EHBP1: variants seen among roughly 807,000 people sequenced by gnomAD.
The protein encoded by EHBP1 is EH domain-binding protein 1.
Under a neutral mutation model 144.0 loss-of-function variants are expected in EHBP1, and 55 were observed. That is an observed-to-expected ratio of 0.38 (90% CI 0.31 to 0.48). The LOEUF is 0.48. Among genes scored for constraint, EHBP1 ranks in the 20% least tolerant of loss-of-function variants. The probability of loss-of-function intolerance (pLI) is 0.98; values close to 1 mark genes in which losing one functional copy is unlikely to be tolerated. For synonymous variants in EHBP1, 469 were observed against 472.7 expected, an observed-to-expected ratio of 0.99 and a Z score of 0.10; for missense variants, 1,200 against 1,364.2, an observed-to-expected ratio of 0.88 and a Z score of 1.90.
At chr2:62,834,614 A>T (rs2047071898) in intron 7 of EHBP1, among the ~76,000 whole-genome samples, 1 of 152,264 alleles carries the variant, frequency 6.6e-6, no homozygotes, top group African/African-American at 2.4e-5. Context: ...TGGGAAGCCA[A>T]AAAGTTTTTG....
At chr2:62,768,445 A>G (rs2041370303) in intron 4 of EHBP1, among the ~76,000 whole-genome samples, 1 of 152,204 alleles carries the variant, frequency 6.6e-6, no homozygotes, top group Admixed American at 6.5e-5. Context: ...GGACACATGT[A>G]CCCTCCCAAG....
At chr2:62,860,446 C>T (rs528325604) in intron 8 of EHBP1, among the ~76,000 whole-genome samples, 7 of 151,972 alleles carry the variant, frequency 4.6e-5, no homozygotes, top group Admixed American at 2.6e-4. Context: ...ACCAAGATCG[C>T]GCCATTGCAC....
chr2:62,705,209 T>G (rs1053653265), upstream of EHBP1, among the ~76,000 whole-genome samples: 1 of 151,982 alleles, frequency 6.6e-6, no homozygotes, highest in Non-Finnish European at 1.5e-5. Flanking sequence ...TAGTTGCCAG[T>G]GGCGGAGGAG....
chr2:62,852,138 T>A (rs905500456), intron 7 of EHBP1, among the ~76,000 whole-genome samples: 1 of 152,140 alleles, frequency 6.6e-6, no homozygotes, highest in African/African-American at 2.4e-5. Context: ...ATATAACATG[T>A]TTAATAAATG....
intron 10 of EHBP1, among the ~76,000 whole-genome samples, chr2:62,896,693 A>G (rs1392645287): frequency 6.6e-6 from 1 of 151,608 alleles, no homozygotes; most frequent in Non-Finnish European, 1.5e-5. Context: ...AAAAAAAAAA[A>G]AACAAAAAAC....
intron 10 of EHBP1, among the ~76,000 whole-genome samples, chr2:62,928,020 C>G (rs2055669005): frequency 6.6e-6 from 1 of 152,038 alleles, no homozygotes; most frequent in Non-Finnish European, 1.5e-5. Flanking sequence ...AAGAAGAAAT[C>G]ACAAAAGACT....
intron 10 of EHBP1, among the ~76,000 whole-genome samples, chr2:62,909,706 G>C (rs1399121720): frequency 6.6e-6 from 1 of 152,110 alleles, no homozygotes; most frequent in Non-Finnish European, 1.5e-5. Flanking sequence ...CTGAATGACA[G>C]TTTTCAAGGG....
At chr2:62,971,566 A>G (rs891921844) in intron 14 of EHBP1, among the ~76,000 whole-genome samples, 15 of 152,170 alleles carry the variant, frequency 9.9e-5, no homozygotes, top group African/African-American at 3.6e-4. Flanking sequence ...TATGTAATAG[A>G]TAGGGCCAGT....
At chr2:62,934,878 C>G (rs2056258818) in intron 10 of EHBP1, among the ~76,000 whole-genome samples, 1 of 152,078 alleles carries the variant, frequency 6.6e-6, no homozygotes, top group Non-Finnish European at 1.5e-5. Flanking sequence ...TAGCATAATC[C>G]TATATATTTC....
intron 6 of EHBP1, among the ~76,000 whole-genome samples, chr2:62,830,473 C>T (rs2046750232): frequency 6.6e-6 from 1 of 151,994 alleles, no homozygotes; most frequent in Admixed American, 6.6e-5. Flanking sequence ...ATGTCTTTAG[C>T]CCACTTTTTG....
intron 1 of EHBP1, among the ~76,000 whole-genome samples, chr2:62,689,282 A>G (rs969091397): frequency 6.6e-6 from 1 of 152,200 alleles, no homozygotes; most frequent in African/African-American, 2.4e-5. Context: ...ATATGACAGA[A>G]ATAAAAGGAG....
At chr2:62,811,165 T>C (rs2044970956) in intron 5 of EHBP1, among the ~76,000 whole-genome samples, 1 of 152,248 alleles carries the variant, frequency 6.6e-6, no homozygotes, top group South Asian at 2.1e-4. Flanking sequence ...TGATTCTTTC[T>C]CTTTTACATT....
intron 5 of EHBP1, among the ~76,000 whole-genome samples, chr2:62,786,324 G>T (rs1308079491): frequency 6.6e-6 from 1 of 152,052 alleles, no homozygotes; most frequent in Non-Finnish European, 1.5e-5. Context: ...TACTTTCATG[G>T]CAGCTAAAGA....
intron 7 of EHBP1, among the ~76,000 whole-genome samples, chr2:62,841,655 A>G (rs915359615): frequency 1.3e-5 from 2 of 152,058 alleles, no homozygotes; most frequent in South Asian, 2.1e-4. Flanking sequence ...ATATACTGAC[A>G]TTTGCATTTT....
intron 7 of EHBP1, among the ~76,000 whole-genome samples, chr2:62,854,180 A>G (rs2048869511): frequency 6.6e-6 from 1 of 152,198 alleles, no homozygotes; most frequent in African/African-American, 2.4e-5. Context: ...GAGTAGAGTT[A>G]GGGCCTTGCT....
intron 9 of EHBP1, 114 bp downstream of exon 9, chr2:62,865,085 C>A: frequency 8.6e-7 from 1 of 1,168,810 alleles, no homozygotes; most frequent in Non-Finnish European, 1.2e-6. Context: ...CTTTATAAGT[C>A]AGTATCTAAC....
At chr2:62,681,360 A>ATATATATATATATATATATATATATATT (rs1276350365) in intron 1 of EHBP1, among the ~76,000 whole-genome samples, 1 of 26,676 alleles carries the variant, frequency 3.7e-5, no homozygotes, top group Non-Finnish European at 6.6e-5. Context: ...ATATATATAT[A>ATATATATATATATATATATATATATATT]ATGTGTATAT....
chr2:63,022,846 A>G (rs1416111894), intron 19 of EHBP1, among the ~76,000 whole-genome samples: 2 of 152,226 alleles, frequency 1.3e-5, no homozygotes, highest in East Asian at 3.8e-4. Context: ...GTGTAAGTTA[A>G]AGAAAACCTG....
At chr2:62,927,405 A>T (rs1285764016) in intron 10 of EHBP1, among the ~76,000 whole-genome samples, 1 of 152,176 alleles carries the variant, frequency 6.6e-6, no homozygotes, top group African/African-American at 2.4e-5. Context: ...GATGATGGAT[A>T]TGTGAAATAC....
Sources: allele counts gnomAD v4.1 joint callset (sites outside exome capture counted in the v4.1 genomes callset), GRCh38; gene constraint gnomAD v4.1.1; transcripts MANE v1.5; gene names NCBI Gene and HGNC (gene_info 2026-07-23, HGNC 2026-07-21).